The following AGBL1 variants were observed in gnomAD, a reference collection of about 807,000 sequenced individuals.
AGBL1 encodes the protein cytosolic carboxypeptidase 4.
Under a neutral mutation model 118.9 loss-of-function variants are expected in AGBL1, and 130 were observed. The observed-to-expected ratio is 1.09, with a 90% CI of 0.95 to 1.26. The LOEUF (loss-of-function observed/expected upper bound fraction) is 1.26, where lower values mean the gene tolerates loss of function less well. Among genes scored for constraint, AGBL1 ranks in the 50% most tolerant of loss-of-function variants. The pLI, the probability that AGBL1 is intolerant of heterozygous loss-of-function variation, is 0.00. For synonymous variants in AGBL1, 555 were observed against 478.9 expected, an observed-to-expected ratio of 1.16 and a Z score of -2.08; for missense variants, 1,584 against 1,298.1, an observed-to-expected ratio of 1.22 and a Z score of -3.38.
intron 23 of AGBL1, among the ~76,000 whole-genome samples, chr15:86,971,810 C>T (rs1365414528): frequency 6.6e-6 from 1 of 151,930 alleles, no homozygotes; most frequent in African/African-American, 2.4e-5. Flanking sequence ...CCATAATCCC[C>T]CTGTGTCAAG....
At chr15:86,609,372 G>A (rs1237575711) in intron 21 of AGBL1, among the ~76,000 whole-genome samples, 1 of 152,208 alleles carries the variant, frequency 6.6e-6, no homozygotes, top group Non-Finnish European at 1.5e-5. Flanking sequence ...ATCAAATGAT[G>A]TTTCAGATAC....
intron 22 of AGBL1, among the ~76,000 whole-genome samples, chr15:86,834,556 G>C (rs888474716): frequency 6.6e-6 from 1 of 152,202 alleles, no homozygotes; most frequent in African/African-American, 2.4e-5. Flanking sequence ...TGAGAGGCTG[G>C]AATAGTAAGA....
intron 5 of AGBL1, among the ~76,000 whole-genome samples, chr15:86,224,086 T>G (rs2141927404): frequency 6.6e-6 from 1 of 152,272 alleles, no homozygotes; most frequent in South Asian, 2.1e-4. Context: ...TGGAAACAGA[T>G]CACTGCTTAG....
chr15:86,612,494 G>A (rs2084671316), intron 21 of AGBL1, among the ~76,000 whole-genome samples: 1 of 152,032 alleles, frequency 6.6e-6, no homozygotes, highest in Admixed American at 6.6e-5. Context: ...TCCCTTCGGA[G>A]TTTAGACAAC....
intron 22 of AGBL1, among the ~76,000 whole-genome samples, chr15:86,734,609 C>T (rs1018313852): frequency 2.0e-5 from 3 of 152,046 alleles, no homozygotes; most frequent in African/African-American, 4.8e-5. Flanking sequence ...GAGCCACAGC[C>T]GGCCAACTCC....
intron 22 of AGBL1, among the ~76,000 whole-genome samples, chr15:86,868,943 G>C (rs189162458): frequency 1.1e-4 from 17 of 152,212 alleles, no homozygotes; most frequent in African/African-American, 4.1e-4. Flanking sequence ...AAAGTGGCAC[G>C]TCCACCTTGG....
At chr15:86,750,990 A>G (rs1596447313) in intron 22 of AGBL1, among the ~76,000 whole-genome samples, 6 of 152,206 alleles carry the variant, frequency 3.9e-5, no homozygotes, top group Admixed American at 3.3e-4. Context: ...TTGTGGCTGC[A>G]TAGCATTCCA....
At chr15:86,116,017 T>C (rs1037546792) in intron 1 of AGBL1, among the ~76,000 whole-genome samples, 1 of 152,202 alleles carries the variant, frequency 6.6e-6, no homozygotes, top group African/African-American at 2.4e-5. Flanking sequence ...AAAATTCTCT[T>C]ATAGGAAGGA....
rs1567237508 is a variant in AGBL1 at position 86,914,228 on chromosome 15, A to G, written c.*6934A>G. On this transcript the variant is annotated 3_prime_UTR_variant, in exon 23 of 23. Coordinates refer to ENST00000614907, the MANE Select transcript of AGBL1 (RefSeq NM_001386094.1). ...AATGAATGTCCTGGGGTAGAAGACT[A>G]TCAACCAGACCCCACCCACACTTCA... 1.3e-5 allele frequency: 2 copies of G among 152,188 alleles called. No homozygotes were observed. Among genetic ancestry groups the G allele is most frequent in the Admixed American group, 1.3e-4 (2 of 15,280 alleles). The allele number at this position is 152,188 out of a possible 1,614,324, so 9.4% of individuals were successfully genotyped here.
At chr15:86,859,017 A>G (rs557342988) in intron 22 of AGBL1, among the ~76,000 whole-genome samples, 3 of 152,348 alleles carry the variant, frequency 2.0e-5, no homozygotes, top group Non-Finnish European at 4.4e-5. Context: ...ATGGTAGGAC[A>G]AATGCTCAAG....
chr15:86,202,103 G>A (rs972451625), intron 5 of AGBL1, among the ~76,000 whole-genome samples: 1 of 152,092 alleles, frequency 6.6e-6, no homozygotes, highest in Non-Finnish European at 1.5e-5. Context: ...CACCAGCCTG[G>A]CCAACATGGT....
At chr15:87,009,896 C>T (rs889229060) in intron 24 of AGBL1, among the ~76,000 whole-genome samples, 2 of 152,220 alleles carry the variant, frequency 1.3e-5, no homozygotes, top group Admixed American at 6.5e-5. Flanking sequence ...GCCTACACCC[C>T]TATTTTATCA....
chr15:86,362,909 G>A (rs974903803), intron 17 of AGBL1, among the ~76,000 whole-genome samples: 3 of 152,204 alleles, frequency 2.0e-5, no homozygotes, highest in African/African-American at 7.2e-5. Flanking sequence ...CTAGAAATGA[G>A]TCACAGGACT....
intron 1 of AGBL1, among the ~76,000 whole-genome samples, chr15:86,089,094 T>A (rs1314939707): frequency 6.6e-6 from 1 of 152,224 alleles, no homozygotes; most frequent in Non-Finnish European, 1.5e-5. Context: ...AATAAAAATT[T>A]TTTTGGCAAA....
intron 18 of AGBL1, among the ~76,000 whole-genome samples, chr15:86,498,948 G>A (rs1173393166): frequency 6.6e-6 from 1 of 151,842 alleles, no homozygotes; most frequent in Non-Finnish European, 1.5e-5. Context: ...CCTGCTTTTT[G>A]AAGAGAAATA....
In AGBL1 at chr15:86,256,855, C is replaced by G. The variant is rs1314759016; in HGVS notation, c.738C>G (p.Asn246Lys). The G allele has an allele frequency of 6.2e-7, 1 of 1,613,790 alleles. No individual in the cohort carries two copies. The highest frequency in any genetic ancestry group is 1.1e-5 in the South Asian group (1 of 91,054). The change falls in exon 8 of 23, where the codon AAC (asparagine) becomes AAG (lysine). Residue 246 changes from asparagine to lysine, a missense_variant and splice_region_variant. Physicochemically the swap from Asn to Lys is moderately conservative, Grantham distance 94. Coordinates refer to ENST00000614907, the MANE Select transcript of AGBL1 (RefSeq NM_001386094.1). Reference sequence around the variant, plus strand: ...GATATAATCTTCCCTTTGCTCAGAACTGCCTGGATGACAAGAGCATGGAGC... The same window carrying G: ...GATATAATCTTCCCTTTGCTCAGAAGTGCCTGGATGACAAGAGCATGGAGC... ...GMEILFSTTQNCLDDKSMEPV... is the reference protein window; with the variant it reads ...GMEILFSTTQKCLDDKSMEPV...
chr15:86,921,953 C>T (rs1273501111), intron 23 of AGBL1, among the ~76,000 whole-genome samples: 1 of 152,086 alleles, frequency 6.6e-6, no homozygotes, highest in Non-Finnish European at 1.5e-5. Context: ...CTCCATGTCC[C>T]TGGGACTCTG....
intron 19 of AGBL1, among the ~76,000 whole-genome samples, chr15:86,529,310 T>A (rs1409436369): frequency 7.4e-6 from 1 of 134,720 alleles, no homozygotes; most frequent in African/African-American, 3.7e-5. Context: ...ACGTGAAGAA[T>A]GCAGAAGCCT....
intron 1 of AGBL1, among the ~76,000 whole-genome samples, chr15:86,100,624 C>G (rs1896656748): frequency 6.6e-6 from 1 of 151,998 alleles, no homozygotes; most frequent in Non-Finnish European, 1.5e-5. Flanking sequence ...TATCCCTTTT[C>G]TCTAGCTTCT....
Sources: allele counts gnomAD v4.1 joint callset (sites outside exome capture counted in the v4.1 genomes callset), GRCh38; gene constraint gnomAD v4.1.1; transcripts MANE v1.5; gene names NCBI Gene and HGNC (gene_info 2026-07-23, HGNC 2026-07-21).